Variants in ZNF713 observed in about 807,000 individuals in gnomAD.
ZNF713 encodes the protein zinc finger protein 713.
ZNF713 carries 21 observed loss-of-function variants against 28.7 expected under a neutral mutation model. The observed-to-expected ratio is 0.73, with a 90% CI of 0.52 to 1.05. The LOEUF is 1.05. ZNF713 is among the 50% of genes least tolerant of loss of function. The pLI is 0.00. For missense variants in ZNF713, 458 were observed against 532.4 expected (o/e 0.86, Z 1.37); for synonymous variants, 167 against 178.0 (o/e 0.94, Z 0.49).
chr7:55,905,997 G>C (rs1785671723), intron 1 of ZNF713, among the ~76,000 whole-genome samples: 2 of 151,848 alleles, frequency 1.3e-5, no homozygotes, highest in South Asian at 4.2e-4. Context: ...AGCTATTTGG[G>C]AGGCTGAGGC....
intron 4 of ZNF713, 37 bp from the exon 5 acceptor site, chr7:55,923,125 C>T (rs1173082609): frequency 6.3e-6 from 10 of 1,576,750 alleles, no homozygotes; most frequent in African/African-American, 4.1e-5. Context: ...CTGTAAGAAC[C>T]GTTTTTGCCT....
chr7:55,930,393 A>G (rs2116256426), intron 6 of ZNF713, among the ~76,000 whole-genome samples: 1 of 152,330 alleles, frequency 6.6e-6, no homozygotes, highest in Non-Finnish European at 1.5e-5. Context: ...GTCCTAGACC[A>G]GTCATGGGGC....
chr7:55,935,770 G>T (rs1260362607), intron 6 of ZNF713, among the ~76,000 whole-genome samples: 1 of 151,966 alleles, frequency 6.6e-6, no homozygotes, highest in Non-Finnish European at 1.5e-5. Flanking sequence ...TGGCTAACAC[G>T]GTGAAACCCC....
chr7:55,923,851 T>G, intron 6 of ZNF713, 152 bp downstream of exon 6: 1 of 537,916 alleles, frequency 1.9e-6, no homozygotes, highest in Non-Finnish European at 3.3e-6. Context: ...TTTTCTGAAT[T>G]TGAAATGGCT....
At position 55,937,354 on chromosome 7, in the gene ZNF713, G is replaced by A. The variant is rs149982662; in HGVS notation, c.308-1628G>A. 1.1e-3 allele frequency among the ~76,000 whole-genome samples: 162 copies of A among 152,122 alleles called. 2 individuals are homozygous for A. The highest frequency in any genetic ancestry group is 3.7e-3 in the African/African-American group (152 of 41,516). On this transcript the variant is annotated intron_variant, in intron 6 of 6. Transcript: ENST00000429591. ...AAAAAAAACTACAGTGAGTGAGTGA[G>A]GGCAGGGGCGAGCAGGGAAGTAGTT...
At chr7:55,902,626 G>T (rs1199580425) in intron 1 of ZNF713, among the ~76,000 whole-genome samples, 1 of 152,032 alleles carries the variant, frequency 6.6e-6, no homozygotes, top group Non-Finnish European at 1.5e-5. Context: ...CTCCATTTTT[G>T]CCCTATCTCT....
intron 1 of ZNF713, among the ~76,000 whole-genome samples, chr7:55,892,968 C>G (rs962688855): frequency 6.6e-6 from 1 of 151,690 alleles, no homozygotes; most frequent in Non-Finnish European, 1.5e-5. Flanking sequence ...CTGCAAGCTC[C>G]GTCTCCCGGG....
intron 6 of ZNF713, among the ~76,000 whole-genome samples, chr7:55,928,215 T>G (rs552372646): frequency 6.6e-6 from 1 of 152,138 alleles, no homozygotes; most frequent in South Asian, 2.1e-4. Context: ...CCCGTGAGAC[T>G]CTGCCCCATA....
In ZNF713 at chr7:55,937,303, ATAAAAT is replaced by A. The variant is rs145677374; in HGVS notation, c.308-1655_308-1650del. ...CCACAGAGCAAGACTCTGTCTCCAG[ATAAAAT>A]TAAAATTAAAATTAAAATTAAAAAA... On this transcript the variant is annotated intron_variant, in intron 6 of 6. Coordinates refer to ENST00000429591, the MANE Select transcript of ZNF713 (RefSeq NM_182633.3). Among the ~76,000 whole-genome samples the A allele has an allele frequency of 6.9e-3, 1,042 of 152,004 alleles. 14 individuals carry two copies. Among genetic ancestry groups the A allele is most frequent in the African/African-American group, 0.024 (977 of 41,398 alleles).
chr7:55,923,589 T>C lies in ZNF713; in HGVS notation c.215-18T>C, dbSNP rs1406001386. ...TCCCAGTACAAACTCCTAAGATGTA[T>C]GTTACTCCTGTGAATAGGGTATCAG... On this transcript the variant is annotated intron_variant, in intron 5 of 6. Coordinates refer to ENST00000429591, the MANE Select transcript of ZNF713 (RefSeq NM_182633.3). 1 of 1,571,868 alleles carries C rather than the reference T, an allele frequency of 6.4e-7. No individual in the cohort carries two copies. The highest frequency in any genetic ancestry group is 8.7e-7 in the Non-Finnish European group (1 of 1,155,446).
rs201145918 is a variant in ZNF713, at chr7:55,903,677, AAC to A, written c.-582-2574_-582-2573del. 2.3e-3 allele frequency among the ~76,000 whole-genome samples: 347 copies of A among 150,340 alleles called. 7 individuals carry two copies. Among genetic ancestry groups the A allele is most frequent in the African/African-American group, 7.3e-3 (299 of 41,022 alleles). ...GCCAGACTGTGTCTTAAAAAAAAAA[AAC>A]AAAAAAAAACCTACCTGGAAAAGGA... On this transcript the variant is annotated intron_variant, in intron 1 of 6. Coordinates refer to ENST00000429591, the MANE Select transcript of ZNF713 (RefSeq NM_182633.3).
chr7:55,895,093 G>A lies in ZNF713; in HGVS notation c.-583+7413G>A, dbSNP rs569889482. Among the ~76,000 whole-genome samples, 6 of 152,284 alleles carry A rather than the reference G, an allele frequency of 3.9e-5. No individual in the cohort carries two copies. In the South Asian group the frequency reaches 8.3e-4, roughly 21 times the overall value. The stretch of plus-strand genomic sequence containing the variant: ...AATGAGGGTATTTCCATGGTAGAGA[G>A]GGGTATAGGAAAGATCACTCTGGCT... On this transcript the variant is annotated intron_variant, in intron 1 of 6. Coordinates refer to ENST00000429591, the MANE Select transcript of ZNF713 (RefSeq NM_182633.3).
intron 1 of ZNF713, among the ~76,000 whole-genome samples, chr7:55,890,955 C>T (rs967542173): frequency 2.0e-5 from 3 of 147,084 alleles, no homozygotes; most frequent in South Asian, 2.1e-4. Context: ...TGGATTGTGC[C>T]ACGGCACTCT....
intron 1 of ZNF713, among the ~76,000 whole-genome samples, chr7:55,902,427 T>C (rs1397961685): frequency 2.0e-5 from 3 of 152,240 alleles, no homozygotes; most frequent in African/African-American, 4.8e-5. Context: ...TGCATTGTCA[T>C]GCTGTTATAA....
intron 1 of ZNF713, among the ~76,000 whole-genome samples, chr7:55,898,719 C>T (rs534463927): frequency 4.6e-5 from 7 of 152,142 alleles, no homozygotes; most frequent in African/African-American, 9.6e-5. Flanking sequence ...AACTCAGTAG[C>T]GAGAAAACAA....
chr7:55,912,985 CTG>C (rs1323686167), intron 4 of ZNF713, among the ~76,000 whole-genome samples: 1 of 152,152 alleles, frequency 6.6e-6, no homozygotes, highest in Non-Finnish European at 1.5e-5. Context: ...AAACAATGGA[CTG>C]TCTTTTAATC....
intron 3 of ZNF713, 150 bp downstream of exon 3, chr7:55,912,218 A>G (rs1584306275): frequency 6.2e-6 from 1 of 160,284 alleles, no homozygotes; most frequent in Non-Finnish European, 1.4e-5. Flanking sequence ...ACCCTCACCC[A>G]TGTGCTCTCC....
chr7:55,909,673 T>A (rs1785748304), intron 2 of ZNF713, among the ~76,000 whole-genome samples: 1 of 152,200 alleles, frequency 6.6e-6, no homozygotes, highest in African/African-American at 2.4e-5. Context: ...TCCATGAGCA[T>A]AGGATGTTTT....
intron 1 of ZNF713, among the ~76,000 whole-genome samples, chr7:55,904,576 A>G (rs1426487129): frequency 6.6e-6 from 1 of 152,072 alleles, no homozygotes; most frequent in Non-Finnish European, 1.5e-5. Flanking sequence ...AGGGCAGAAC[A>G]AAAGCCAGAC....
Sources: gnomAD v4.1 joint callset for allele counts (sites outside exome capture counted in the v4.1 genomes callset) on GRCh38, gnomAD v4.1.1 for gene constraint, MANE v1.5 for transcripts, NCBI Gene and HGNC (gene_info 2026-07-23, HGNC 2026-07-21) for gene names.